The following IRF8 variants were observed in gnomAD, a reference collection of about 807,000 sequenced individuals.
IRF8 encodes the protein interferon regulatory factor 8.
In IRF8, 14 loss-of-function variants were observed where a neutral mutation model predicts 48.7. The ratio of observed to expected loss-of-function variants is 0.29; its 90% CI spans 0.19 to 0.45. IRF8 has a LOEUF of 0.45. Ranked by LOEUF, IRF8 falls within the 20% of genes least tolerant of loss-of-function variation. The probability of loss-of-function intolerance (pLI) is 1.00; values close to 1 mark genes in which losing one functional copy is unlikely to be tolerated. For missense variants in IRF8, 493 were observed against 580.7 expected, an observed-to-expected ratio of 0.85 and a Z score of 1.55; for synonymous variants, 278 against 227.3, an observed-to-expected ratio of 1.22 and a Z score of -2.01.
chr16:85,913,060 T>A (rs1905191182), intron 4 of IRF8, 71 bp from the exon 5 acceptor site: 1 of 1,068,740 alleles, frequency 9.4e-7, no homozygotes, highest in African/African-American at 1.6e-5. Context: ...TGTTCATTTT[T>A]ACAAACACTG....
chr16:85,913,107 C>G (rs776599156), intron 4 of IRF8, 24 bp from the exon 5 acceptor site: 11 of 1,565,068 alleles, frequency 7.0e-6, no homozygotes, highest in Non-Finnish European at 9.7e-6. Flanking sequence ...GAGCTGCCCT[C>G]CTCTCCCTCC....
Position 85,914,467 on chromosome 16 carries a change from C to A in IRF8, c.554-6C>A, listed in dbSNP as rs375589733. 6.2e-7 allele frequency: 1 copy of A among 1,614,170 alleles called. No homozygotes were observed. ...CTCTGAGCTTGCTTTTCTGTTTCTC[C>A]TGCAGGCGTGCCGCTGGTGACGGGG... is the stretch of plus-strand genomic sequence containing the variant. On this transcript the variant is annotated splice_polypyrimidine_tract_variant and splice_region_variant and intron_variant, in intron 5 of 8. Transcript: ENST00000268638.
chr16:85,899,390 C>G, intron 1 of IRF8, among the ~76,000 whole-genome samples, 167 bp downstream of exon 1: 1 of 152,376 alleles, frequency 6.6e-6, no homozygotes, highest in Admixed American at 6.5e-5. Context: ...TTCCAGCCAC[C>G]TAAGTCCAAT....
At position 85,921,588 on chromosome 16, in the gene IRF8, A is replaced by G. The variant is rs28368116; in HGVS notation, c.*306A>G. On this transcript the variant is annotated 3_prime_UTR_variant, in exon 9 of 9. Coordinates refer to ENST00000268638, the MANE Select transcript of IRF8 (RefSeq NM_002163.4). ...ATTCTTTCTGCATTTTCGGTTAACTATCATTTCCAAAGACTTGTCATTCAG... is the reference window on the plus strand; with the variant it reads ...ATTCTTTCTGCATTTTCGGTTAACTGTCATTTCCAAAGACTTGTCATTCAG... The G allele has an allele frequency of 1.8e-5, 7 of 392,860 alleles. No homozygotes were observed. Among genetic ancestry groups the G allele is most frequent in the East Asian group, 5.7e-5 (1 of 17,512 alleles). The allele number at this position is 392,860 out of a possible 1,614,324, so 24.3% of individuals were successfully genotyped here. A position where few individuals can be genotyped will look rare whatever the true frequency, so the allele number is the denominator to read the frequency against.
Position 85,914,531 on chromosome 16 carries a change from G to T in IRF8, c.601+11G>T. Reference sequence around the variant, plus strand: ...ACGCGCACCATTCAGGTACGGGGTGGTCCGGGCTGAGAGGGGCGTGGGCAC... The same window carrying T: ...ACGCGCACCATTCAGGTACGGGGTGTTCCGGGCTGAGAGGGGCGTGGGCAC... On this transcript the variant is annotated intron_variant, in intron 6 of 8. Coordinates refer to ENST00000268638, the MANE Select transcript of IRF8 (RefSeq NM_002163.4). 6.2e-7 allele frequency: 1 copy of T among 1,614,056 alleles called. No individual in the cohort carries two copies. Among genetic ancestry groups the T allele is most frequent in the Non-Finnish European group, 8.5e-7 (1 of 1,180,006 alleles).
intron 6 of IRF8, among the ~76,000 whole-genome samples, chr16:85,918,145 G>C (rs573236401): frequency 5.9e-5 from 9 of 152,262 alleles, no homozygotes; most frequent in Non-Finnish European, 8.8e-5. Context: ...ACCTTCTCTA[G>C]ACCTTGTATT....
chr16:85,915,221 C>A (rs2143029496), intron 6 of IRF8, among the ~76,000 whole-genome samples: 1 of 152,372 alleles, frequency 6.6e-6, no homozygotes, highest in Non-Finnish European at 1.5e-5. Flanking sequence ...CTGCCAGCTG[C>A]CCCTGGAAGT....
At chr16:85,916,209 G>A (rs999308375) in intron 6 of IRF8, among the ~76,000 whole-genome samples, 25 of 152,274 alleles carry the variant, frequency 1.6e-4, no homozygotes, top group African/African-American at 5.8e-4. Context: ...GGTGGATGCT[G>A]TTTTTATCTC....
chr16:85,911,484 C>G (rs1335437347), intron 3 of IRF8, 86 bp from the exon 4 acceptor site: 3 of 1,139,706 alleles, frequency 2.6e-6, no homozygotes, highest in Non-Finnish European at 4.0e-6. Flanking sequence ...TCCTTAAACT[C>G]AGCATTTACA....
In IRF8 at chr16:85,911,604, T is replaced by C. The variant is rs1211473107; in HGVS notation, c.393T>C (p.Asn131=). The C allele has an allele frequency of 5.0e-6, 8 of 1,614,132 alleles. No individual in the cohort carries two copies. The highest frequency in any genetic ancestry group is 6.8e-6 in the Non-Finnish European group (8 of 1,179,982). ...KLGVATAGCV[N]EVTEMECGRS... is the part of the protein sequence containing the mutation. ...GCGTGGCAACTGCTGGCTGCGTGAATGAAGTTACAGAGATGGAGTGCGGTC... is the reference window on the plus strand; with the variant it reads ...GCGTGGCAACTGCTGGCTGCGTGAACGAAGTTACAGAGATGGAGTGCGGTC... Residue 131 remains asparagine, a synonymous_variant, in exon 4 of 9, where the codon AAT becomes AAC. Coordinates refer to ENST00000268638, the MANE Select transcript of IRF8 (RefSeq NM_002163.4).
intron 2 of IRF8, among the ~76,000 whole-genome samples, chr16:85,907,015 A>G (rs1905025968): frequency 6.6e-6 from 1 of 152,242 alleles, no homozygotes; most frequent in South Asian, 2.1e-4. Flanking sequence ...TTCTTTAAAA[A>G]TAAACAACAG....
At chr16:85,914,806 C>T (rs1464161298) in intron 6 of IRF8, among the ~76,000 whole-genome samples, 1 of 151,544 alleles carries the variant, frequency 6.6e-6, no homozygotes, top group Non-Finnish European at 1.5e-5. Context: ...AAGTCTAGGC[C>T]CGGTTCTGAG....
At chr16:85,911,278 C>A (rs1424415894) in intron 3 of IRF8, among the ~76,000 whole-genome samples, 1 of 152,214 alleles carries the variant, frequency 6.6e-6, no homozygotes, top group East Asian at 1.9e-4. Context: ...CTGATACAGA[C>A]TCATTTTGGA....
At chr16:85,920,059 G>A in intron 7 of IRF8, 50 bp from the exon 8 acceptor site, 2 of 1,342,436 alleles carry the variant, frequency 1.5e-6, no homozygotes, top group Non-Finnish European at 2.1e-6. Context: ...GCGGGAGTTG[G>A]AGGTCATCTC....
In IRF8 at chr16:85,903,472, A is replaced by C. The variant is rs148094890; in HGVS notation, c.174+283A>C. The C allele has an allele frequency of 1.6e-5, 7 of 434,658 alleles. No homozygotes were observed. In the East Asian group the frequency reaches 3.5e-4, roughly 22 times the overall value. The allele number at this position is 434,658 out of a possible 1,614,324, so 26.9% of individuals were successfully genotyped here. On this transcript the variant is annotated intron_variant, in intron 2 of 8. Transcript: ENST00000268638. ...GCTGCTTCCTTTTCCTGATGAGCCA[A>C]GTGGGAGAAAATACTTCGAGACCTT... is the stretch of plus-strand genomic sequence containing the variant.
At chr16:85,915,478 T>A (rs766462350) in intron 6 of IRF8, among the ~76,000 whole-genome samples, 1 of 152,224 alleles carries the variant, frequency 6.6e-6, no homozygotes, top group African/African-American at 2.4e-5. Flanking sequence ...GAGATGGCAA[T>A]GCCCTGTCCA....
chr16:85,912,603 T>G (rs1905177865), intron 4 of IRF8, among the ~76,000 whole-genome samples: 1 of 152,242 alleles, frequency 6.6e-6, no homozygotes, highest in Admixed American at 6.5e-5. Flanking sequence ...GCTTTTCTGC[T>G]GACTCAGCTG....
At chr16:85,907,097 A>T (rs1323057728) in intron 2 of IRF8, among the ~76,000 whole-genome samples, 1 of 152,246 alleles carries the variant, frequency 6.6e-6, no homozygotes, top group Non-Finnish European at 1.5e-5. Flanking sequence ...GTGTGCTTTA[A>T]GAAATAGTTT....
At chr16:85,913,340 A>C in intron 5 of IRF8, 104 bp downstream of exon 5, 1 of 827,610 alleles carries the variant, frequency 1.2e-6, no homozygotes, top group Non-Finnish European at 2.1e-6. Context: ...ATCATGATCC[A>C]TGTCTCATTA....
Sources: allele counts gnomAD v4.1 joint callset (sites outside exome capture counted in the v4.1 genomes callset), GRCh38; gene constraint gnomAD v4.1.1; transcripts MANE v1.5; gene names NCBI Gene and HGNC (gene_info 2026-07-23, HGNC 2026-07-21).